MED27: variants seen among roughly 807,000 people sequenced by gnomAD.
MED27 encodes mediator of RNA polymerase II transcription subunit 27.
In MED27, 30 loss-of-function variants were observed where a neutral mutation model predicts 38.2. The observed-to-expected ratio is 0.79, with a 90% CI of 0.59 to 1.07. The LOEUF is 1.07. Among genes scored for constraint, MED27 ranks in the 50% least tolerant of loss-of-function variants. MED27 has a pLI of 0.00. For synonymous variants in MED27, 122 were observed against 153.5 expected, an observed-to-expected ratio of 0.79 and a Z score of 1.52; for missense variants, 289 against 397.5, an observed-to-expected ratio of 0.73 and a Z score of 2.32.
chr9:131,937,473 T>G (rs1830704780), intron 4 of MED27, among the ~76,000 whole-genome samples: 2 of 152,090 alleles, frequency 1.3e-5, no homozygotes, highest in South Asian at 4.1e-4. Flanking sequence ...CCCTAAACTC[T>G]CTCATCAGTC....
At chr9:131,902,569 C>T (rs909867555) in intron 4 of MED27, among the ~76,000 whole-genome samples, 2 of 152,036 alleles carry the variant, frequency 1.3e-5, no homozygotes, top group African/African-American at 2.4e-5. Flanking sequence ...GAGGTCAGAC[C>T]GAGGGACTGT....
intron 5 of MED27, among the ~76,000 whole-genome samples, chr9:131,891,850 A>C (rs1317344171): frequency 1.3e-5 from 2 of 151,998 alleles, no homozygotes; most frequent in African/African-American, 4.8e-5. Context: ...GAGGAGCGAG[A>C]GGGGTGGAGA....
intron 2 of MED27, among the ~76,000 whole-genome samples, chr9:132,018,128 T>C (rs1832643588): frequency 6.6e-6 from 1 of 152,200 alleles, no homozygotes; most frequent in East Asian, 1.9e-4. Context: ...ACATTTTCTC[T>C]GAGGACCCCC....
In MED27 at chr9:131,995,968, G is replaced by C. The variant is rs1230001914; in HGVS notation, c.479+18369C>G. Among the ~76,000 whole-genome samples the C allele has an allele frequency of 2.6e-5, 4 of 152,306 alleles. No individual in the cohort carries two copies. In the East Asian group the frequency reaches 5.8e-4, roughly 22 times the overall value. On this transcript the variant is annotated intron_variant, in intron 3 of 7. Transcript: ENST00000292035. ...CCATAATTCCTGATATCCCATGGTAGACTTCAAGCATCCCCCTTCCAGAAC... is the reference window on the plus strand; with the variant it reads ...CCATAATTCCTGATATCCCATGGTACACTTCAAGCATCCCCCTTCCAGAAC...
At chr9:132,004,624 G>A (rs1832316497) in intron 3 of MED27, among the ~76,000 whole-genome samples, 1 of 152,140 alleles carries the variant, frequency 6.6e-6, no homozygotes, top group East Asian at 1.9e-4. Context: ...TCCTCACTCT[G>A]CAGGAAGGGT....
At chr9:131,945,846 T>C (rs1396403192) in intron 3 of MED27, among the ~76,000 whole-genome samples, 5 of 149,458 alleles carry the variant, frequency 3.3e-5, no homozygotes, top group Non-Finnish European at 7.4e-5. Flanking sequence ...TATGTACCTA[T>C]AGTCCCAGCT....
At chr9:132,030,741 A>G (rs1486172077) in intron 2 of MED27, among the ~76,000 whole-genome samples, 1 of 152,264 alleles carries the variant, frequency 6.6e-6, no homozygotes, top group African/African-American at 2.4e-5. Flanking sequence ...AAATGTATCA[A>G]AAACAGGAGC....
In MED27 at chr9:132,079,763, C is replaced by T; in HGVS notation, c.82G>A (p.Val28Met). ...ISAIQALRSSVSRVFDCLKDG... is the reference protein window; with the variant it reads ...ISAIQALRSSMSRVFDCLKDG... The stretch of plus-strand genomic sequence containing the variant: ...TTCAGGCAGTCGAACACCCTGCTCA[C>T]GCTGGAGCGCAGCGCCTGGATGGCA... The change falls in exon 1 of 8, where the codon GTG (valine) becomes ATG (methionine). Residue 28 changes from valine to methionine, a missense_variant. Coordinates refer to ENST00000292035, the MANE Select transcript of MED27 (RefSeq NM_004269.4). 6.2e-7 allele frequency: 1 copy of T among 1,614,152 alleles called. No individual in the cohort carries two copies. The highest frequency in any genetic ancestry group is 1.1e-5 in the South Asian group (1 of 91,082).
At chr9:132,014,238 G>A (rs1832553733) in intron 3 of MED27, 99 bp downstream of exon 3, 1 of 1,306,384 alleles carries the variant, frequency 7.7e-7, no homozygotes, top group Non-Finnish European at 1.0e-6. Flanking sequence ...GGGAGGGAGG[G>A]AATTTTGAAG....
chr9:131,867,156 T>A (rs1838750733), intron 6 of MED27, among the ~76,000 whole-genome samples: 1 of 152,134 alleles, frequency 6.6e-6, no homozygotes, highest in Non-Finnish European at 1.5e-5. Flanking sequence ...GGTCCTCAGG[T>A]CATGTGTGCA....
chr9:131,899,215 A>G (rs1463045312), intron 4 of MED27, among the ~76,000 whole-genome samples: 1 of 152,216 alleles, frequency 6.6e-6, no homozygotes, highest in African/African-American at 2.4e-5. Context: ...CTGCTGCTGT[A>G]GCCAGGTCAG....
intron 4 of MED27, among the ~76,000 whole-genome samples, chr9:131,910,061 A>G (rs1463156267): frequency 6.6e-6 from 1 of 152,222 alleles, no homozygotes; most frequent in South Asian, 2.1e-4. Flanking sequence ...ATGCATTTAC[A>G]AAACTGTTTG....
rs1395294329 is a variant in MED27, at chr9:132,018,511, C to T, written c.349-4044G>A. On this transcript the variant is annotated intron_variant, in intron 2 of 7. Transcript: ENST00000292035. ...CTGCATTGTTCTGAATGCTTCTACC[C>T]GCCCCAAAATATTCATAGGTTAATG... 2.6e-5 allele frequency among the ~76,000 whole-genome samples: 4 copies of T among 152,166 alleles called. No homozygotes were observed. The South Asian group carries it at 6.2e-4, about 24-fold the overall frequency.
intron 3 of MED27, among the ~76,000 whole-genome samples, chr9:132,000,885 C>CAAAAG (rs1832216133): frequency 6.6e-6 from 1 of 151,630 alleles, no homozygotes; most frequent in Admixed American, 6.6e-5. Context: ...CACGCCTAGT[C>CAAAAG]AAAAGCCAGA....
Position 131,883,878 on chromosome 9 carries a change from G to T in MED27, c.723+180C>A. ...TTAGGCAACCACGGATCTGATTTCT[G>T]TCCCTAAGGTTTTGTTTTTTTCCAG... On this transcript the variant is annotated intron_variant, in intron 6 of 7. Transcript: ENST00000292035. This position sits in a 1 kb window ranked among gnomAD's most constrained non-coding sequence, Gnocchi z 4.2. The T allele has an allele frequency of 1.7e-6, 1 of 578,404 alleles. No homozygotes were observed. Among genetic ancestry groups the T allele is most frequent in the Non-Finnish European group, 3.0e-6 (1 of 335,190 alleles). 35.8% of individuals were successfully genotyped at this position (578,404 alleles called of 1,614,324 possible).
intron 3 of MED27, among the ~76,000 whole-genome samples, chr9:131,942,344 C>A (rs977627476): frequency 1.3e-5 from 2 of 152,128 alleles, no homozygotes; most frequent in Non-Finnish European, 2.9e-5. Flanking sequence ...GGTGAAGGCA[C>A]ATGACAAAAA....
chr9:131,869,015 G>A (rs1838782787), intron 6 of MED27: 2 of 985,344 alleles, frequency 2.0e-6, no homozygotes, highest in Non-Finnish European at 2.4e-6. Context: ...TCGGCAATCT[G>A]GCCAAACTCA....
chr9:131,966,461 T>C (rs1831353705), intron 3 of MED27, among the ~76,000 whole-genome samples: 3 of 149,440 alleles, frequency 2.0e-5, no homozygotes, highest in South Asian at 4.2e-4. Context: ...AAACTCAAGA[T>C]TTCACAGACC....
rs143280236 is a variant in MED27 at position 132,071,040 on chromosome 9, G to A, written c.348+6402C>T. On this transcript the variant is annotated intron_variant, in intron 2 of 7. Transcript: ENST00000292035. The stretch of plus-strand genomic sequence containing the variant: ...CACCACTGCCTGGAACCTGTCCTCA[G>A]CATCGTCTTAAGACAATAATAGCAG... 2.7e-3 allele frequency among the ~76,000 whole-genome samples: 409 copies of A among 152,306 alleles called. 3 individuals carry two copies. The highest frequency in any genetic ancestry group is 0.017 in the Middle Eastern group (5 of 294).
Sources: gnomAD v4.1 joint callset for allele counts (sites outside exome capture counted in the v4.1 genomes callset) on GRCh38, gnomAD v4.1.1 for gene constraint, Gnocchi (gnomAD v3.1) non-coding constraint, MANE v1.5 for transcripts, NCBI Gene and HGNC (gene_info 2026-07-23, HGNC 2026-07-21) for gene names.